The following LSM8 variants were observed in gnomAD, a reference collection of about 807,000 sequenced individuals.
LSM8 encodes LSM8 homolog, U6 small nuclear RNA associated, also known as LSM8 U6 small nuclear RNA associated.
A neutral mutation model predicts 15.0 loss-of-function variants in LSM8; 14 were observed. The observed-to-expected ratio is 0.93, with a 90% confidence interval of 0.62 to 1.46. The LOEUF is 1.46. Ranked by LOEUF, LSM8 falls within the 40% of genes most tolerant of loss-of-function variation. The probability of loss-of-function intolerance (pLI) is 0.00; values close to 1 mark genes in which losing one functional copy is unlikely to be tolerated. For missense variants in LSM8, 90 were observed against 115.4 expected, an observed-to-expected ratio of 0.78 and a Z score of 1.01; for synonymous variants, 50 against 42.1, an observed-to-expected ratio of 1.19 and a Z score of -0.73.
chr7:118,186,239 A>G (rs1176347264), intron 2 of LSM8, among the ~76,000 whole-genome samples: 1 of 152,190 alleles, frequency 6.6e-6, no homozygotes. Flanking sequence ...TTTATGTCAT[A>G]TAACTAAGAT....
rs1662775867 is a variant in LSM8, at chr7:118,193,031, A to G, written c.*1029A>G. Among the ~76,000 whole-genome samples, 1 of 152,160 alleles carries G rather than the reference A, an allele frequency of 6.6e-6. No homozygotes were observed. Among genetic ancestry groups the G allele is most frequent in the South Asian group, 2.1e-4 (1 of 4,832 alleles). On this transcript the variant is annotated 3_prime_UTR_variant, in exon 4 of 4. Coordinates refer to ENST00000249299, the MANE Select transcript of LSM8 (RefSeq NM_016200.5). ...TGTGATGAGAAGAACATAGAAAAAT[A>G]TTTACATCCTTGTAATTGAAACAAA... is the stretch of plus-strand genomic sequence containing the variant.
At position 118,184,241 on chromosome 7, in the gene LSM8, G is replaced by T; in HGVS notation, c.18G>T (p.Glu6Asp). 1 of 1,538,648 alleles carries T rather than the reference G, an allele frequency of 6.5e-7. No homozygotes were observed. Among genetic ancestry groups the T allele is most frequent in the Admixed American group, 2.0e-5 (1 of 50,002 alleles). Reference protein sequence around the residue: MTSALENYINRTVAVI... With the variant: MTSALDNYINRTVAVI... ...CGAACAGCATGACGTCCGCTTTGGA[G>T]AACTACATCAACCGTATCCTCAAGC... Residue 6 changes from glutamate (E) to aspartate (D), a missense_variant, in exon 1 of 4, where the codon GAG becomes GAT. Physicochemically the swap from Glu to Asp is conservative, Grantham distance 45 (BLOSUM62 2). Transcript: ENST00000249299.
At chr7:118,185,758 AAACCTCT>A in intron 2 of LSM8, 64 bp downstream of exon 2, 2 of 1,451,168 alleles carry the variant, frequency 1.4e-6, no homozygotes, top group Non-Finnish European at 9.7e-7. Flanking sequence ...GTTTTATGTG[AAACCTCT>A]AATCTCTAAT....
chr7:118,185,561 C>A, intron 1 of LSM8, 93 bp from the exon 2 acceptor site: 1 of 1,132,898 alleles, frequency 8.8e-7, no homozygotes, highest in South Asian at 1.3e-5. Flanking sequence ...ACCTAGTTGT[C>A]ATATTTATTC....
chr7:118,187,606 G>A (rs546185800), intron 2 of LSM8, among the ~76,000 whole-genome samples: 9 of 152,268 alleles, frequency 5.9e-5, no homozygotes, highest in African/African-American at 2.2e-4. Flanking sequence ...CTGAAAAATG[G>A]CAAATTATAT....
chr7:118,188,230 A>C, intron 2 of LSM8, 48 bp from the exon 3 acceptor site: 1 of 1,596,590 alleles, frequency 6.3e-7, no homozygotes, highest in Non-Finnish European at 8.6e-7. Flanking sequence ...TTACACTTTC[A>C]GGTAAACCAG....
At chr7:118,185,845 T>G (rs1457195801) in intron 2 of LSM8, 151 bp downstream of exon 2, 2 of 664,678 alleles carry the variant, frequency 3.0e-6, no homozygotes, top group Non-Finnish European at 5.1e-6. Flanking sequence ...TTGCTGTCAA[T>G]CCATGTTTTC....
rs965394876 is a variant in LSM8 at position 118,192,631 on chromosome 7, T to G, written c.*629T>G. 4 of 152,176 alleles carry G rather than the reference T, an allele frequency of 2.6e-5. No individual in the cohort carries two copies. The highest frequency in any genetic ancestry group is 9.6e-5 in the African/African-American group (4 of 41,462). The allele number at this position is 152,176 out of a possible 1,614,324, so 9.4% of individuals were successfully genotyped here. On this transcript the variant is annotated 3_prime_UTR_variant, in exon 4 of 4. Coordinates refer to ENST00000249299, the MANE Select transcript of LSM8 (RefSeq NM_016200.5). Reference sequence around the variant, plus strand: ...GAATGGTAGAATTGACAGAGATGATTAGTAAAGTCTCTTGATGCCCAATTG... The same window carrying G: ...GAATGGTAGAATTGACAGAGATGATGAGTAAAGTCTCTTGATGCCCAATTG...
chr7:118,196,284 G>A lies in LSM8; in HGVS notation c.*4282G>A, dbSNP rs527942913. 1.3e-5 allele frequency among the ~76,000 whole-genome samples: 2 copies of A among 152,238 alleles called. No individual in the cohort carries two copies. Among genetic ancestry groups the A allele is most frequent in the African/African-American group, 2.4e-5 (1 of 41,532 alleles). On this transcript the variant is annotated 3_prime_UTR_variant, in exon 4 of 4. Transcript: ENST00000249299. Reference sequence around the variant, plus strand: ...TGACTCAGATTTACTGTCGAAGGTCGTGTTATTTCATCAGATTCTTTCAGT... The same window carrying A: ...TGACTCAGATTTACTGTCGAAGGTCATGTTATTTCATCAGATTCTTTCAGT...
At position 118,188,403 on chromosome 7, in the gene LSM8, C is replaced by T. The variant is rs184878317; in HGVS notation, c.198C>T (p.Asn66=). 31 of 1,609,368 alleles carry T rather than the reference C, an allele frequency of 1.9e-5. No homozygotes were observed. The Admixed American group carries it at 3.4e-4, about 18-fold the overall frequency. Residue 66 remains asparagine, a splice_region_variant and synonymous_variant, in exon 3 of 4, where the codon AAC becomes AAT. Transcript: ENST00000249299. ...VLGLYIVRGD[N]VAVIGEIDEE... ...GATTATACATTGTAAGAGGTGACAA[C>T]GTGTAAGTAAAATATATCTGTTAAA...
In LSM8 at chr7:118,193,160, T is replaced by A. The variant is rs1321216641; in HGVS notation, c.*1158T>A. Among the ~76,000 whole-genome samples, 4 of 152,174 alleles carry A rather than the reference T, an allele frequency of 2.6e-5. No individual in the cohort carries two copies. Among genetic ancestry groups the A allele is most frequent in the Admixed American group, 6.5e-5 (1 of 15,276 alleles). On this transcript the variant is annotated 3_prime_UTR_variant, in exon 4 of 4. Coordinates refer to ENST00000249299, the MANE Select transcript of LSM8 (RefSeq NM_016200.5). ...ATAGTCTTTTAGGCTTTGAAGGCCA[T>A]GTGGTCTGTCACAGCTACTCACCTC...
Position 118,188,501 on chromosome 7 carries a change from T to C in LSM8, c.200+96T>C. On this transcript the variant is annotated intron_variant, in intron 3 of 3. Transcript: ENST00000249299. ...AATACCCTACTGTATTGTCCATACA[T>C]AGTTAATAGAATCTTGCATTCATTT... The C allele has an allele frequency of 2.7e-6, 3 of 1,100,030 alleles. No homozygotes were observed. The South Asian group carries it at 5.2e-5, about 19-fold the overall frequency. The allele number at this position is 1,100,030 out of a possible 1,614,324, so 68.1% of individuals were successfully genotyped here. A position where few individuals can be genotyped will look rare whatever the true frequency, so the allele number is the denominator to read the frequency against.
rs1424013180 is a variant in LSM8 at position 118,184,398 on chromosome 7, C to T, written c.31+144C>T. On this transcript the variant is annotated intron_variant, in intron 1 of 3. Coordinates refer to ENST00000249299, the MANE Select transcript of LSM8 (RefSeq NM_016200.5). ...GAGGGCCCCGGAACGACCCAGAGTTCGCCGGCGGCGCCTCGAGCCTTCCCG... is the reference window on the plus strand; with the variant it reads ...GAGGGCCCCGGAACGACCCAGAGTTTGCCGGCGGCGCCTCGAGCCTTCCCG... The T allele has an allele frequency of 1.6e-4, 160 of 980,796 alleles. No individual in the cohort carries two copies. In the East Asian group the frequency reaches 5.1e-3, roughly 31 times the overall value. The allele number at this position is 980,796 out of a possible 1,614,324, so 60.8% of individuals were successfully genotyped here. A position where few individuals can be genotyped will look rare whatever the true frequency, so the allele number is the denominator to read the frequency against.
rs936140809 is a variant in LSM8, at chr7:118,203,529, A to G, written c.*11527A>G. On this transcript the variant is annotated 3_prime_UTR_variant, in exon 4 of 4. Transcript: ENST00000249299. ...GACTAAAAATCAAGTAAATAGGATA[A>G]TTGAGTTTCAATGGGCAAGAATTTT... 6.6e-6 allele frequency among the ~76,000 whole-genome samples: 1 copy of G among 151,844 alleles called. No homozygotes were observed. Among genetic ancestry groups the G allele is most frequent in the Non-Finnish European group, 1.5e-5 (1 of 67,802 alleles).
Position 118,197,371 on chromosome 7 carries a change from G to A in LSM8, c.*5369G>A, listed in dbSNP as rs1397788241. On this transcript the variant is annotated 3_prime_UTR_variant, in exon 4 of 4. Coordinates refer to ENST00000249299, the MANE Select transcript of LSM8 (RefSeq NM_016200.5). ...GTATTAAAAACTAGTGTGTGTTGGGGTGGGGAACAGGCAGGAAACTAATAT... is the reference window on the plus strand; with the variant it reads ...GTATTAAAAACTAGTGTGTGTTGGGATGGGGAACAGGCAGGAAACTAATAT... 6.6e-6 allele frequency among the ~76,000 whole-genome samples: 1 copy of A among 151,966 alleles called. No individual in the cohort carries two copies. The highest frequency in any genetic ancestry group is 2.4e-5 in the African/African-American group (1 of 41,384).
At chr7:118,185,157 A>C (rs1479126534) in intron 1 of LSM8, 1 of 152,250 alleles carries the variant, frequency 6.6e-6, no homozygotes, top group East Asian at 1.9e-4. Context: ...GAGATAAGAT[A>C]CACCGATCAC....
intron 3 of LSM8, chr7:118,190,782 T>C (rs1340050628): frequency 6.6e-6 from 1 of 152,122 alleles, no homozygotes; most frequent in African/African-American, 2.4e-5. Flanking sequence ...TAAAGCAAAA[T>C]TTGGCAAATC....
At chr7:118,188,979 C>T (rs7792843) in intron 3 of LSM8, 10,450 of 152,324 alleles carry the variant, frequency 0.069, 386 homozygotes, top group East Asian at 0.11. Context: ...TATAAAAGTT[C>T]AAGAGTAATT....
In LSM8 at chr7:118,195,897, A is replaced by T. The variant is rs1329187035; in HGVS notation, c.*3895A>T. On this transcript the variant is annotated 3_prime_UTR_variant, in exon 4 of 4. Coordinates refer to ENST00000249299, the MANE Select transcript of LSM8 (RefSeq NM_016200.5). ...CATTAAATAGCATAGTGCTCCCATT[A>T]AACTAGCGACAAATTCATTTAATTG... Among the ~76,000 whole-genome samples the T allele has an allele frequency of 6.6e-6, 1 of 152,190 alleles. No homozygotes were observed. Among genetic ancestry groups the T allele is most frequent in the Non-Finnish European group, 1.5e-5 (1 of 68,034 alleles).
Sources: allele counts gnomAD v4.1 joint callset (sites outside exome capture counted in the v4.1 genomes callset), GRCh38; gene constraint gnomAD v4.1.1; transcripts MANE v1.5; gene names NCBI Gene and HGNC (gene_info 2026-07-23, HGNC 2026-07-21).